ADAMTS9: variants seen among roughly 807,000 people sequenced by gnomAD.
ADAMTS9 encodes the protein ADAM metallopeptidase with thrombospondin type 1 motif 9.
In ADAMTS9, 107 loss-of-function variants were observed where a neutral mutation model predicts 257.1. That is an observed-to-expected ratio of 0.42 (90% CI 0.36 to 0.49). The LOEUF (loss-of-function observed/expected upper bound fraction) is 0.49. Among genes scored for constraint, ADAMTS9 ranks in the 20% least tolerant of loss-of-function variants. The probability of loss-of-function intolerance (pLI) is 0.03; values close to 1 mark genes in which losing one functional copy is unlikely to be tolerated. For synonymous variants in ADAMTS9, 982 were observed against 880.9 expected, an observed-to-expected ratio of 1.11 and a Z score of -2.03; for missense variants, 2,353 against 2,469.1, an observed-to-expected ratio of 0.95 and a Z score of 1.00.
intron 32 of ADAMTS9, among the ~76,000 whole-genome samples, chr3:64,544,944 G>C (rs1357433047): frequency 6.6e-6 from 1 of 152,106 alleles, no homozygotes; most frequent in Non-Finnish European, 1.5e-5. Flanking sequence ...TCAACAAGTG[G>C]GCGATGGATA....
At chr3:64,537,989 G>C (rs2083071174) in intron 37 of ADAMTS9, among the ~76,000 whole-genome samples, 4 of 152,148 alleles carry the variant, frequency 2.6e-5, no homozygotes. Context: ...CCACAGAATG[G>C]GCAGAAAGAT....
intron 19 of ADAMTS9, among the ~76,000 whole-genome samples, chr3:64,619,621 G>A (rs994951760): frequency 6.6e-6 from 1 of 151,756 alleles, no homozygotes; most frequent in African/African-American, 2.4e-5. Context: ...ATAGATAATG[G>A]GATAATATAA....
chr3:64,616,057 T>C lies in ADAMTS9; in HGVS notation c.2927A>G (p.Asp976Gly). Residue 976 changes from aspartate to glycine, a missense_variant, in exon 20 of 40, where the codon GAT becomes GGT. Physicochemically the swap from Asp to Gly is moderately conservative, Grantham distance 94. Coordinates refer to ENST00000498707, the MANE Select transcript of ADAMTS9 (RefSeq NM_182920.2). The part of the protein sequence containing the change: ...SRLDGKTEKV[D>G]DGFCSSHPKP... ...GGGATGGCTGCTGCAAAAACCATCA[T>C]CAACCTTCTCAGTCTTCCCATCCAG... The C allele has an allele frequency of 6.2e-7, 1 of 1,614,044 alleles. No individual in the cohort carries two copies. Among genetic ancestry groups the C allele is most frequent in the Non-Finnish European group, 8.5e-7 (1 of 1,179,980 alleles).
chr3:64,685,829 G>C (rs1701889966), intron 2 of ADAMTS9, among the ~76,000 whole-genome samples: 1 of 152,100 alleles, frequency 6.6e-6, no homozygotes, highest in African/African-American at 2.4e-5. Context: ...GCCTCTCCAG[G>C]CTGTCTCCCA....
intron 19 of ADAMTS9, among the ~76,000 whole-genome samples, chr3:64,617,626 T>G (rs1323442665): frequency 6.6e-6 from 1 of 151,960 alleles, no homozygotes; most frequent in Non-Finnish European, 1.5e-5. Context: ...AAGTAGAAAC[T>G]GAGAAAAAAA....
chr3:64,637,223 T>C (rs150829601), intron 12 of ADAMTS9, among the ~76,000 whole-genome samples: 21 of 152,330 alleles, frequency 1.4e-4, no homozygotes, highest in African/African-American at 5.0e-4. Context: ...CCAACCAAAC[T>C]CATCTTTCAG....
At chr3:64,638,516 C>T (rs1349214850) in intron 12 of ADAMTS9, among the ~76,000 whole-genome samples, 1 of 152,120 alleles carries the variant, frequency 6.6e-6, no homozygotes, top group Non-Finnish European at 1.5e-5. Context: ...ATAATTCCTT[C>T]AGGGCAACAG....
chr3:64,641,348 T>C (rs1021396216), intron 12 of ADAMTS9, among the ~76,000 whole-genome samples: 13 of 151,908 alleles, frequency 8.6e-5, no homozygotes, highest in Non-Finnish European at 1.6e-4. Context: ...ACTTTAAGTT[T>C]TAGGGTACAC....
intron 16 of ADAMTS9, 53 bp from the exon 17 acceptor site, chr3:64,622,639 T>C: frequency 6.3e-7 from 1 of 1,587,826 alleles, no homozygotes; most frequent in Non-Finnish European, 8.6e-7. Flanking sequence ...TGACTAGCTG[T>C]TTGAAATATG....
rs540328152 is a variant in ADAMTS9, at chr3:64,575,524, G to C, written c.4357-6989C>G. Among the ~76,000 whole-genome samples, 442 of 152,242 alleles carry C rather than the reference G, an allele frequency of 2.9e-3. 2 individuals are homozygous for C. The highest frequency in any genetic ancestry group is 4.7e-3 in the Non-Finnish European group (320 of 68,008). Reference sequence around the variant, plus strand: ...CCTCTTGTTCCAAAGCACCAGCAAAGAGCAAATTCCAAGGGGTGCTTGGGT... The same window carrying C: ...CCTCTTGTTCCAAAGCACCAGCAAACAGCAAATTCCAAGGGGTGCTTGGGT... On this transcript the variant is annotated intron_variant, in intron 28 of 39. Transcript: ENST00000498707.
intron 2 of ADAMTS9, among the ~76,000 whole-genome samples, chr3:64,683,696 G>A (rs1701816490): frequency 6.6e-6 from 1 of 152,166 alleles, no homozygotes; most frequent in Admixed American, 6.5e-5. Flanking sequence ...ACAAAGGTGG[G>A]CCTAAGAGTT....
At chr3:64,590,803 C>T (rs1359025598) in intron 28 of ADAMTS9, among the ~76,000 whole-genome samples, 2 of 152,118 alleles carry the variant, frequency 1.3e-5, no homozygotes, top group Non-Finnish European at 2.9e-5. Flanking sequence ...GCTCAGAGAA[C>T]ATTTTTAGGT....
At chr3:64,527,387 A>G (rs1372893962) in intron 38 of ADAMTS9, among the ~76,000 whole-genome samples, 1 of 152,116 alleles carries the variant, frequency 6.6e-6, no homozygotes, top group Non-Finnish European at 1.5e-5. Context: ...TGATTTAGGA[A>G]GACCAGCATA....
At chr3:64,651,974 T>C (rs1050848514) in intron 8 of ADAMTS9, among the ~76,000 whole-genome samples, 66 of 152,216 alleles carry the variant, frequency 4.3e-4, no homozygotes, top group Admixed American at 3.3e-4. Context: ...ATTCTTGGCT[T>C]AGCCAGCAGG....
chr3:64,618,715 T>TTTA, intron 19 of ADAMTS9, among the ~76,000 whole-genome samples: 1 of 152,176 alleles, frequency 6.6e-6, no homozygotes, highest in Admixed American at 6.5e-5. Context: ...CCTGTTATAA[T>TTTA]TTATTATTAT....
chr3:64,629,115 T>C (rs537771785), intron 16 of ADAMTS9, among the ~76,000 whole-genome samples: 11 of 152,210 alleles, frequency 7.2e-5, no homozygotes, highest in African/African-American at 2.6e-4. Context: ...TCAAAAGATA[T>C]CCAGAATCTA....
chr3:64,531,862 G>A (rs79834845), intron 38 of ADAMTS9, among the ~76,000 whole-genome samples: 6,302 of 152,242 alleles, frequency 0.041, 217 homozygotes, highest in Non-Finnish European at 0.059. Context: ...GAGATGGGAC[G>A]GGAGAAATGG....
At chr3:64,539,922 A>G (rs2083099121) in intron 36 of ADAMTS9, among the ~76,000 whole-genome samples, 3 of 152,264 alleles carry the variant, frequency 2.0e-5, no homozygotes, top group Admixed American at 1.3e-4. Context: ...CCCCTACTGT[A>G]GCTCCTGAGA....
At chr3:64,620,689 T>C (rs1576125660) in intron 19 of ADAMTS9, among the ~76,000 whole-genome samples, 1 of 152,300 alleles carries the variant, frequency 6.6e-6, no homozygotes, top group African/African-American at 2.4e-5. Context: ...ACTGCAACTT[T>C]CAGGTGTGTA....
Sources: allele counts gnomAD v4.1 joint callset (sites outside exome capture counted in the v4.1 genomes callset), GRCh38; gene constraint gnomAD v4.1.1; transcripts MANE v1.5; gene names NCBI Gene and HGNC (gene_info 2026-07-23, HGNC 2026-07-21).